Variants in PTBP3 observed in about 807,000 individuals in gnomAD.
The protein encoded by PTBP3 is polypyrimidine tract binding protein 3.
PTBP3 carries 20 observed loss-of-function variants against 58.7 expected under a neutral mutation model. The ratio of observed to expected loss-of-function variants is 0.34; its 90% confidence interval spans 0.24 to 0.50. The LOEUF is 0.50. PTBP3 is among the 20% of genes least tolerant of loss of function. The pLI is 0.98. For missense variants in PTBP3, 509 were observed against 637.2 expected, an observed-to-expected ratio of 0.80 and a Z score of 2.17; for synonymous variants, 185 against 219.8, an observed-to-expected ratio of 0.84 and a Z score of 1.40.
At chr9:112,282,267 CT>C (rs1212125513) in intron 2 of PTBP3, among the ~76,000 whole-genome samples, 1 of 151,936 alleles carries the variant, frequency 6.6e-6, no homozygotes, top group South Asian at 2.1e-4. Context: ...TGTGTCTTTC[CT>C]TTTTTTTGAG....
intron 7 of PTBP3, among the ~76,000 whole-genome samples, chr9:112,239,522 G>C (rs891078486): frequency 2.0e-5 from 3 of 151,924 alleles, no homozygotes; most frequent in African/African-American, 7.3e-5. Context: ...TTCAGGCCAC[G>C]AGTTCAAGAG....
At chr9:112,311,096 A>G (rs1221687881) in intron 1 of PTBP3, among the ~76,000 whole-genome samples, 1 of 152,220 alleles carries the variant, frequency 6.6e-6, no homozygotes, top group African/African-American at 2.4e-5. Context: ...TGTGTTAAGA[A>G]CAGTCTTTAA....
chr9:112,340,214 G>A, the PTBP3 span, among the ~76,000 whole-genome samples: 1 of 152,148 alleles, frequency 6.6e-6, no homozygotes, highest in African/African-American at 2.4e-5. Context: ...TTGAACATGT[G>A]AAACAGCTTG....
At chr9:112,270,843 A>T (rs1049287527) in intron 3 of PTBP3, among the ~76,000 whole-genome samples, 3 of 152,116 alleles carry the variant, frequency 2.0e-5, no homozygotes, top group Admixed American at 6.5e-5. Context: ...TTTGAGTAGG[A>T]GTCTTGCTCT....
At chr9:112,378,122 C>T in the PTBP3 span, among the ~76,000 whole-genome samples, 1 of 152,046 alleles carries the variant, frequency 6.6e-6, no homozygotes, top group Non-Finnish European at 1.5e-5. Flanking sequence ...TTCACCCATT[C>T]CTCACCTCTA....
At chr9:112,287,235 C>A (rs1351874104) in intron 2 of PTBP3, among the ~76,000 whole-genome samples, 1 of 151,940 alleles carries the variant, frequency 6.6e-6, no homozygotes, top group Admixed American at 6.6e-5. Context: ...CTGCTCCCTG[C>A]CCCAACCATT....
intron 2 of PTBP3, among the ~76,000 whole-genome samples, chr9:112,276,664 G>A (rs906746906): frequency 6.6e-6 from 1 of 152,058 alleles, no homozygotes; most frequent in Admixed American, 6.6e-5. Flanking sequence ...AGCTCCAGGA[G>A]TGGAACCCAA....
At chr9:112,248,494 TAATA>T (rs938395267) in intron 7 of PTBP3, among the ~76,000 whole-genome samples, 10 of 152,082 alleles carry the variant, frequency 6.6e-5, no homozygotes, top group Admixed American at 1.3e-4. Context: ...CTTATTCGTG[TAATA>T]AATAAATAAA....
At chr9:112,337,759 G>A (rs141522632), upstream of PTBP3, among the ~76,000 whole-genome samples, 782 of 152,310 alleles carry the variant, frequency 5.1e-3, 3 homozygotes, top group Non-Finnish European at 8.6e-3. Context: ...CCCCCATCAC[G>A]ATTATCTTTG....
chr9:112,361,436 A>T, the PTBP3 span, among the ~76,000 whole-genome samples: 1 of 152,214 alleles, frequency 6.6e-6, no homozygotes. Context: ...AAACAAGGGA[A>T]GATAACTTTG....
chr9:112,274,545 C>A (rs992114212), intron 3 of PTBP3, among the ~76,000 whole-genome samples: 3 of 152,106 alleles, frequency 2.0e-5, no homozygotes, highest in African/African-American at 7.2e-5. Context: ...ATCAACATGA[C>A]AAGTATTATA....
intron 1 of PTBP3, among the ~76,000 whole-genome samples, chr9:112,332,501 C>T (rs2132501612): frequency 6.6e-6 from 1 of 152,070 alleles, no homozygotes; most frequent in African/African-American, 2.4e-5. Context: ...AGGTAACAAG[C>T]TAAAAAAAAC....
Position 112,232,233 on chromosome 9 carries a change from A to T in PTBP3, c.886T>A (p.Ser296Thr), listed in dbSNP as rs1835273561. Residue 296 changes from serine (S) to threonine (T), a missense_variant, in exon 9 of 14, where the codon TCA becomes ACA. Coordinates refer to ENST00000374257, the MANE Select transcript of PTBP3 (RefSeq NM_001163788.4). Reference protein sequence around the residue: ...AIGFPQATGLSVPAVPGALGP... With the variant: ...AIGFPQATGLTVPAVPGALGP... ...AGAGCTCCAGGAACAGCTGGAACTGATAGACCTTTTAAAAATACCAAAAGC... is the reference window on the plus strand; with the variant it reads ...AGAGCTCCAGGAACAGCTGGAACTGTTAGACCTTTTAAAAATACCAAAAGC... 6.3e-7 allele frequency: 1 copy of T among 1,594,004 alleles called. No individual in the cohort carries two copies. The highest frequency in any genetic ancestry group is 1.1e-5 in the South Asian group (1 of 87,956).
intron 8 of PTBP3, among the ~76,000 whole-genome samples, chr9:112,232,570 C>A (rs1201128641): frequency 2.0e-5 from 3 of 152,160 alleles, no homozygotes; most frequent in Non-Finnish European, 4.4e-5. Context: ...TATCCTAACA[C>A]CCTTCTATCA....
intron 7 of PTBP3, among the ~76,000 whole-genome samples, chr9:112,243,605 T>C (rs1200827578): frequency 6.6e-6 from 1 of 152,208 alleles, no homozygotes; most frequent in African/African-American, 2.4e-5. Flanking sequence ...CTGTAGATGA[T>C]ATGACTATGT....
In PTBP3 at chr9:112,333,473, T is replaced by G; in HGVS notation, c.-55A>C. ...CGCCGCGCCGCCTAGTACTTACCCA[T>G]CCATGGCCCAGATGGAGGCGCGCAC... On this transcript the variant is annotated 5_prime_UTR_variant, in exon 1 of 14. The change abolishes an upstream ATG in the 5' untranslated region. Transcript: ENST00000374257. The G allele has an allele frequency of 1.9e-6, 3 of 1,589,368 alleles. No homozygotes were observed. The highest frequency in any genetic ancestry group is 2.6e-6 in the Non-Finnish European group (3 of 1,168,662).
rs575826558 is a variant in PTBP3, at chr9:112,269,389, G to A, written c.205-1194C>T. Among the ~76,000 whole-genome samples the A allele has an allele frequency of 6.6e-5, 10 of 151,996 alleles. No individual in the cohort carries two copies. In the South Asian group the frequency reaches 2.1e-3, roughly 32 times the overall value. ...TCTTAAACAGAGATGGGGCAAAATG[G>A]TTTATTCTCCTTTTACCCTTTTTAA... On this transcript the variant is annotated intron_variant, in intron 3 of 13. Coordinates refer to ENST00000374257, the MANE Select transcript of PTBP3 (RefSeq NM_001163788.4).
chr9:112,314,638 G>A (rs1174993084), intron 1 of PTBP3, among the ~76,000 whole-genome samples: 2 of 152,122 alleles, frequency 1.3e-5, no homozygotes, highest in Admixed American at 6.5e-5. Flanking sequence ...GCCTGGGCTA[G>A]AGAGCGAGAC....
At chr9:112,299,609 C>A (rs1589886481) in intron 1 of PTBP3, among the ~76,000 whole-genome samples, 1 of 152,306 alleles carries the variant, frequency 6.6e-6, no homozygotes, top group South Asian at 2.1e-4. Context: ...TGGACTATGT[C>A]ACTGTTCCAG....
Sources: gnomAD v4.1 joint callset for allele counts (sites outside exome capture counted in the v4.1 genomes callset) on GRCh38, gnomAD v4.1.1 for gene constraint, MANE v1.5 for transcripts, NCBI Gene and HGNC (gene_info 2026-07-23, HGNC 2026-07-21) for gene names.